FMN1: variants seen among roughly 807,000 people sequenced by gnomAD.
FMN1 encodes formin-1.
FMN1 carries 110 observed loss-of-function variants against 132.4 expected under a neutral mutation model. The ratio of observed to expected loss-of-function variants is 0.83; its 90% CI spans 0.71 to 0.97. The LOEUF is 0.97. FMN1 is among the 50% of genes least tolerant of loss of function. FMN1 has a pLI of 0.00. For synonymous variants in FMN1, 722 were observed against 651.7 expected (o/e 1.11, Z -1.64); for missense variants, 1,792 against 1,705.3 (o/e 1.05, Z -0.90).
intron 9 of FMN1, among the ~76,000 whole-genome samples, chr15:32,947,233 C>T (rs554809579): frequency 6.6e-6 from 1 of 151,904 alleles, no homozygotes; most frequent in African/African-American, 2.4e-5. Context: ...CCTTTTTTTG[C>T]CATATATATT....
intron 8 of FMN1, among the ~76,000 whole-genome samples, chr15:32,967,518 G>C (rs1047610170): frequency 1.3e-5 from 2 of 152,204 alleles, no homozygotes; most frequent in East Asian, 1.9e-4. Flanking sequence ...TCTTTATTGG[G>C]AAAAAGGGAA....
chr15:32,803,203 A>G (rs1231885644), intron 18 of FMN1, among the ~76,000 whole-genome samples: 2 of 152,336 alleles, frequency 1.3e-5, no homozygotes, highest in African/African-American at 4.8e-5. Flanking sequence ...ACACATTTGT[A>G]AAGCTCATTT....
chr15:32,786,242 A>C (rs2056873696), intron 19 of FMN1, among the ~76,000 whole-genome samples: 1 of 152,172 alleles, frequency 6.6e-6, no homozygotes, highest in African/African-American at 2.4e-5. Context: ...AAACAAAGGA[A>C]CATGCAAAAA....
chr15:32,927,240 C>A (rs79159823), intron 9 of FMN1, among the ~76,000 whole-genome samples: 3,008 of 152,210 alleles, frequency 0.02, 93 homozygotes, highest in African/African-American at 0.065. Context: ...ACCTTGCACA[C>A]AAAGCTCTAG....
intron 9 of FMN1, among the ~76,000 whole-genome samples, chr15:32,930,654 T>C (rs1481167347): frequency 6.6e-6 from 1 of 152,162 alleles, no homozygotes; most frequent in Non-Finnish European, 1.5e-5. Context: ...GATTGTTTCC[T>C]TTGCTGAGCA....
chr15:33,061,521 T>C (rs2037482367), intron 6 of FMN1, among the ~76,000 whole-genome samples: 1 of 151,984 alleles, frequency 6.6e-6, no homozygotes, highest in Non-Finnish European at 1.5e-5. Flanking sequence ...GACACGCTCC[T>C]CGTGAAGTTA....
At chr15:33,082,541 C>T (rs1249233389) in intron 5 of FMN1, among the ~76,000 whole-genome samples, 1 of 152,092 alleles carries the variant, frequency 6.6e-6, no homozygotes, top group Non-Finnish European at 1.5e-5. Context: ...CATTCCTCTC[C>T]AATGGTATCT....
intron 9 of FMN1, among the ~76,000 whole-genome samples, chr15:32,956,440 A>C (rs748270735): frequency 1.6e-4 from 25 of 152,098 alleles, no homozygotes; most frequent in Non-Finnish European, 3.4e-4. Flanking sequence ...AAAATTTACA[A>C]GGTGGAATTT....
At chr15:33,067,533 C>T in intron 5 of FMN1, 1 of 1,613,938 alleles carries the variant, frequency 6.2e-7, no homozygotes, top group Non-Finnish European at 8.5e-7. Flanking sequence ...AGCTCTTGAG[C>T]AAGGAGAGAT....
intron 2 of FMN1, among the ~76,000 whole-genome samples, chr15:33,182,612 A>C (rs911798064): frequency 2.6e-5 from 4 of 152,210 alleles, no homozygotes; most frequent in African/African-American, 9.7e-5. Flanking sequence ...CAAGTGAAGG[A>C]AGGAAGTGTT....
chr15:33,039,902 C>T (rs1461991283), intron 6 of FMN1, among the ~76,000 whole-genome samples: 2 of 152,160 alleles, frequency 1.3e-5, no homozygotes, highest in Non-Finnish European at 2.9e-5. Flanking sequence ...TTCCCCACTG[C>T]CGCCACTCAC....
chr15:32,906,175 A>T (rs2060420374), intron 12 of FMN1, among the ~76,000 whole-genome samples: 1 of 152,166 alleles, frequency 6.6e-6, no homozygotes, highest in Non-Finnish European at 1.5e-5. Flanking sequence ...ATTTCACCGG[A>T]TCAGCCATTC....
chr15:33,126,215 G>A (rs939581548), intron 4 of FMN1, among the ~76,000 whole-genome samples: 20 of 149,914 alleles, frequency 1.3e-4, no homozygotes, highest in Admixed American at 2.6e-4. Flanking sequence ...ACCACCTAAA[G>A]ACAGAGAGTT....
intron 5 of FMN1, among the ~76,000 whole-genome samples, chr15:33,077,669 T>C (rs772797837): frequency 3.3e-5 from 5 of 151,820 alleles, no homozygotes; most frequent in Non-Finnish European, 7.4e-5. Context: ...TCCAGCTTCA[T>C]CCATGTCTCT....
At chr15:33,148,464 C>T (rs1376556449) in intron 4 of FMN1, among the ~76,000 whole-genome samples, 1 of 152,174 alleles carries the variant, frequency 6.6e-6, no homozygotes, top group African/African-American at 2.4e-5. Context: ...GAAGGCTGAC[C>T]CCGTAGACCA....
intron 3 of FMN1, among the ~76,000 whole-genome samples, chr15:33,174,316 T>C (rs1005564167): frequency 1.3e-5 from 2 of 152,146 alleles, no homozygotes; most frequent in African/African-American, 4.8e-5. Context: ...GAAATTCTGT[T>C]TCCACAGACC....
chr15:32,995,143 T>A (rs2033689682), intron 7 of FMN1, among the ~76,000 whole-genome samples: 1 of 152,070 alleles, frequency 6.6e-6, no homozygotes, highest in Non-Finnish European at 1.5e-5. Context: ...TTCTTAATAA[T>A]ACTTCAAATT....
intron 17 of FMN1, among the ~76,000 whole-genome samples, chr15:32,852,854 G>A (rs190568618): frequency 6.6e-6 from 1 of 152,278 alleles, no homozygotes; most frequent in Admixed American, 6.5e-5. Context: ...ACAAAGTTCA[G>A]ATTCTTTAGC....
intron 9 of FMN1, among the ~76,000 whole-genome samples, chr15:32,947,365 CATT>C (rs1363332842): frequency 6.6e-6 from 1 of 152,028 alleles, no homozygotes; most frequent in Non-Finnish European, 1.5e-5. Context: ...TCTTTTCACT[CATT>C]ATTTATTTAT....
Sources: gnomAD v4.1 joint callset for allele counts (sites outside exome capture counted in the v4.1 genomes callset) on GRCh38, gnomAD v4.1.1 for gene constraint, MANE v1.5 for transcripts, NCBI Gene and HGNC (gene_info 2026-07-23, HGNC 2026-07-21) for gene names.